EVA1C: variants seen among roughly 807,000 people sequenced by gnomAD.
EVA1C encodes protein eva-1 homolog C.
Under a neutral mutation model 45.4 loss-of-function variants are expected in EVA1C, and 25 were observed. The ratio of observed to expected loss-of-function variants is 0.55; its 90% CI spans 0.40 to 0.77. The LOEUF (loss-of-function observed/expected upper bound fraction) is 0.77. Among genes scored for constraint, EVA1C ranks in the 30% least tolerant of loss-of-function variants. The pLI is 0.00. For missense variants in EVA1C, 479 were observed against 554.8 expected (o/e 0.86, Z 1.37); for synonymous variants, 190 against 221.2 (o/e 0.86, Z 1.25).
At chr21:32,477,416 T>C (rs2036605508) in intron 4 of EVA1C, among the ~76,000 whole-genome samples, 1 of 152,140 alleles carries the variant, frequency 6.6e-6, no homozygotes, top group Non-Finnish European at 1.5e-5. Flanking sequence ...TAAAACAAAA[T>C]GTTTATTACT....
intron 1 of EVA1C, among the ~76,000 whole-genome samples, chr21:32,431,272 T>C (rs1266586619): frequency 2.0e-5 from 3 of 152,224 alleles, no homozygotes; most frequent in Non-Finnish European, 2.9e-5. Context: ...TCCCATCTTA[T>C]TAGTGGAAGG....
chr21:32,468,313 G>A (rs1601346514), intron 4 of EVA1C, among the ~76,000 whole-genome samples: 1 of 151,762 alleles, frequency 6.6e-6, no homozygotes, highest in African/African-American at 2.4e-5. Context: ...AGGTTGCAGT[G>A]AGCCGAGATC....
intron 4 of EVA1C, chr21:32,493,833 T>G (rs2037250820): frequency 6.6e-6 from 1 of 151,996 alleles, no homozygotes; most frequent in South Asian, 2.1e-4. Context: ...GCAGTCTTGC[T>G]TGGTCGCCCA....
At chr21:32,494,589 C>A (rs1309034014) in intron 4 of EVA1C, among the ~76,000 whole-genome samples, 1 of 152,088 alleles carries the variant, frequency 6.6e-6, no homozygotes, top group East Asian at 1.9e-4. Context: ...TTGAGACCAG[C>A]CTTGCCAACA....
intron 4 of EVA1C, among the ~76,000 whole-genome samples, chr21:32,475,647 G>A (rs1010420314): frequency 6.6e-6 from 1 of 151,866 alleles, no homozygotes; most frequent in Non-Finnish European, 1.5e-5. Context: ...CTAATATCTT[G>A]TTAAAAAGAC....
intron 3 of EVA1C, among the ~76,000 whole-genome samples, chr21:32,458,499 T>C (rs1175036152): frequency 1.3e-5 from 2 of 150,260 alleles, no homozygotes; most frequent in Admixed American, 6.6e-5. Flanking sequence ...TTTTTTTTTT[T>C]GAGACAGAGT....
At chr21:32,440,571 C>T (rs573338299) in intron 1 of EVA1C, among the ~76,000 whole-genome samples, 6 of 152,114 alleles carry the variant, frequency 3.9e-5, no homozygotes, top group South Asian at 2.1e-4. Flanking sequence ...CAACGCAGCA[C>T]ATTTAGAGTA....
intron 1 of EVA1C, among the ~76,000 whole-genome samples, chr21:32,451,621 C>T (rs9284456): frequency 6.6e-6 from 1 of 152,012 alleles, no homozygotes; most frequent in Non-Finnish European, 1.5e-5. Context: ...CTGGAGGCCA[C>T]AGTCTGAATC....
At chr21:32,470,440 C>A (rs1365552971) in intron 4 of EVA1C, among the ~76,000 whole-genome samples, 2 of 152,212 alleles carry the variant, frequency 1.3e-5, no homozygotes, top group African/African-American at 2.4e-5. Context: ...CATGAGCATT[C>A]CTGTCCTGAC....
intron 1 of EVA1C, among the ~76,000 whole-genome samples, chr21:32,440,827 G>A (rs1385602358): frequency 2.6e-5 from 4 of 152,174 alleles, no homozygotes; most frequent in East Asian, 1.9e-4. Context: ...TGGGCCAGGC[G>A]CAGTGGCTCA....
upstream of EVA1C, among the ~76,000 whole-genome samples, chr21:32,411,851 C>T (rs1025884676): frequency 9.9e-5 from 15 of 152,230 alleles, no homozygotes; most frequent in Non-Finnish European, 2.1e-4. Context: ...CACTTGTCCT[C>T]GATACCCTTG....
intron 1 of EVA1C, among the ~76,000 whole-genome samples, chr21:32,442,117 T>G (rs1401179303): frequency 6.6e-6 from 1 of 152,216 alleles, no homozygotes; most frequent in Non-Finnish European, 1.5e-5. Context: ...TACTCCTGTG[T>G]GCTCGGGAAG....
chr21:32,506,367 G>A (rs1034340199), intron 7 of EVA1C, among the ~76,000 whole-genome samples: 4 of 150,586 alleles, frequency 2.7e-5, no homozygotes, highest in African/African-American at 9.8e-5. Flanking sequence ...TCCAATATTT[G>A]CTATTTATAA....
intron 7 of EVA1C, among the ~76,000 whole-genome samples, chr21:32,511,817 G>A (rs749583183): frequency 1.3e-5 from 2 of 152,242 alleles, no homozygotes; most frequent in African/African-American, 2.4e-5. Flanking sequence ...CAAGAGAAAC[G>A]CTTGCAGGTG....
intron 7 of EVA1C, among the ~76,000 whole-genome samples, chr21:32,514,253 A>T (rs2038063780): frequency 6.6e-6 from 1 of 152,196 alleles, no homozygotes; most frequent in South Asian, 2.1e-4. Flanking sequence ...AAAAGGACAG[A>T]ATTAAGTTTT....
At chr21:32,447,189 C>G (rs1020824277) in intron 1 of EVA1C, among the ~76,000 whole-genome samples, 2 of 152,118 alleles carry the variant, frequency 1.3e-5, no homozygotes, top group African/African-American at 4.8e-5. Flanking sequence ...CACTTGAGGT[C>G]AGGAGTTCCA....
At chr21:32,497,137 C>A in intron 5 of EVA1C, 1 of 814,212 alleles carries the variant, frequency 1.2e-6, no homozygotes, top group South Asian at 1.3e-5. Flanking sequence ...ATCATGAAAT[C>A]AAACAGGAAG....
chr21:32,433,502 C>T (rs927602106), intron 1 of EVA1C, among the ~76,000 whole-genome samples: 1 of 152,138 alleles, frequency 6.6e-6, no homozygotes, highest in African/African-American at 2.4e-5. Flanking sequence ...TTTGTTCCCT[C>T]TCCTTATATT....
chr21:32,477,502 C>T (rs914442218), intron 4 of EVA1C, among the ~76,000 whole-genome samples: 2 of 152,062 alleles, frequency 1.3e-5, no homozygotes, highest in African/African-American at 4.8e-5. Context: ...AGTTGCAGCC[C>T]GGATGGTGGC....
Sources: allele counts gnomAD v4.1 joint callset (sites outside exome capture counted in the v4.1 genomes callset), GRCh38; gene constraint gnomAD v4.1.1; transcripts MANE v1.5; gene names NCBI Gene and HGNC (gene_info 2026-07-23, HGNC 2026-07-21).